Variants in SLC25A30 observed in about 807,000 individuals in gnomAD.
The protein encoded by SLC25A30 is kidney mitochondrial carrier protein 1.
A neutral mutation model predicts 42.7 loss-of-function variants in SLC25A30; 29 were observed. That is an observed-to-expected ratio of 0.68 (90% CI 0.51 to 0.93). The LOEUF is 0.93. SLC25A30 is among the 40% of genes least tolerant of loss of function. SLC25A30 has a pLI of 0.00. For synonymous variants in SLC25A30, 124 were observed against 131.0 expected (o/e 0.95, Z 0.37); for missense variants, 300 against 359.7 (o/e 0.83, Z 1.34).
chr13:45,423,164 T>C (rs142627895), upstream of SLC25A30, among the ~76,000 whole-genome samples: 1,457 of 152,162 alleles, frequency 9.6e-3, 14 homozygotes, highest in Non-Finnish European at 0.015. Flanking sequence ...GGAGAGTCTC[T>C]ATAATTTGAG....
At position 45,411,472 on chromosome 13, in the gene SLC25A30, C is replaced by A; in HGVS notation, c.-47G>T. The A allele has an allele frequency of 6.3e-7, 1 of 1,587,642 alleles. No homozygotes were observed. The highest frequency in any genetic ancestry group is 8.6e-7 in the Non-Finnish European group (1 of 1,156,894). ...ATTTATAGAAACATTGCCTCCAGTG[C>A]TGTTTTTCCTGGACACAACAATAAG... On this transcript the variant is annotated 5_prime_UTR_variant, in exon 2 of 10. Coordinates refer to ENST00000519676, the MANE Select transcript of SLC25A30 (RefSeq NM_001010875.4).
chr13:45,428,136 T>C, the SLC25A30 span, among the ~76,000 whole-genome samples: 2 of 152,178 alleles, frequency 1.3e-5, no homozygotes, highest in African/African-American at 4.8e-5. Flanking sequence ...TGAGTTTTGC[T>C]ACCTTCATCC....
intron 2 of SLC25A30, among the ~76,000 whole-genome samples, chr13:45,411,002 C>T (rs1382895983): frequency 6.6e-6 from 1 of 152,092 alleles, no homozygotes; most frequent in African/African-American, 2.4e-5. Flanking sequence ...TGCAGTGGTT[C>T]ACACATGGCT....
chr13:45,413,083 A>G (rs1883169564), intron 1 of SLC25A30, among the ~76,000 whole-genome samples: 1 of 152,190 alleles, frequency 6.6e-6, no homozygotes, highest in African/African-American at 2.4e-5. Context: ...CCCATCGGGC[A>G]CCTTGAATAA....
chr13:45,425,081 A>AATATATGTATATATAC, the SLC25A30 span, among the ~76,000 whole-genome samples: 22 of 30,450 alleles, frequency 7.2e-4, 3 homozygotes, highest in Non-Finnish European at 1.1e-3. Context: ...CATATATATA[A>AATATATGTATATATAC]ATATATAAAT....
chr13:45,425,981 C>CCAAGCCCAGCCTTCTTTTTAACTT, the SLC25A30 span, among the ~76,000 whole-genome samples: 1 of 147,638 alleles, frequency 6.8e-6, no homozygotes, highest in Non-Finnish European at 1.5e-5. Context: ...GCATGAGCCA[C>CCAAGCCCAGCCTTCTTTTTAACTT]TTCGCCTGGT....
chr13:45,411,687 C>T (rs1265724308), intron 1 of SLC25A30: 7 of 473,514 alleles, frequency 1.5e-5, no homozygotes. Flanking sequence ...TATCAGTGAT[C>T]TTAATTTTTA....
At chr13:45,403,832 A>G (rs1354354877) in intron 5 of SLC25A30, among the ~76,000 whole-genome samples, 1 of 151,472 alleles carries the variant, frequency 6.6e-6, no homozygotes, top group Non-Finnish European at 1.5e-5. Context: ...GCTACTCAGG[A>G]GGCTAAGGCA....
chr13:45,412,579 A>G (rs2137686797), intron 1 of SLC25A30, among the ~76,000 whole-genome samples: 1 of 152,306 alleles, frequency 6.6e-6, no homozygotes, highest in South Asian at 2.1e-4. Flanking sequence ...CGCCAACACC[A>G]TCATCACCAC....
In SLC25A30 at chr13:45,399,004, T is replaced by C; in HGVS notation, c.689A>G (p.Asn230Ser). The change falls in exon 8 of 10, where the codon AAT becomes AGT. Residue 230 changes from asparagine (N) to serine (S), a missense_variant. Transcript: ENST00000519676. ...PVDVVRTRMMNQRVLRDGRCS... is the reference protein window; with the variant it reads ...PVDVVRTRMMSQRVLRDGRCS... ...TCTGCCATCTCGAAGCACTCTCTGA[T>C]TCATCATACGTGTCCTCACAACATC... 6 of 1,614,162 alleles carry C rather than the reference T, an allele frequency of 3.7e-6. No homozygotes were observed. The highest frequency in any genetic ancestry group is 4.2e-6 in the Non-Finnish European group (5 of 1,180,030).
Position 45,404,068 on chromosome 13 carries a change from G to A in SLC25A30, c.393+259C>T, listed in dbSNP as rs185774145. Among the ~76,000 whole-genome samples, 369 of 152,110 alleles carry A rather than the reference G, an allele frequency of 2.4e-3. 3 individuals carry two copies. The highest frequency in any genetic ancestry group is 8.3e-3 in the African/African-American group (343 of 41,496). ...AACATTTTCCGTGAAAAACGAAAAT[G>A]AAATGCAGTCCAAGCCTAAATAATT... is the stretch of plus-strand genomic sequence containing the variant. On this transcript the variant is annotated intron_variant, in intron 5 of 9. Coordinates refer to ENST00000519676, the MANE Select transcript of SLC25A30 (RefSeq NM_001010875.4).
At chr13:45,414,275 T>C (rs1339697062) in intron 1 of SLC25A30, among the ~76,000 whole-genome samples, 1 of 152,114 alleles carries the variant, frequency 6.6e-6, no homozygotes, top group African/African-American at 2.4e-5. Context: ...AAAGAATAAT[T>C]TGGCTTAAAT....
the SLC25A30 span, among the ~76,000 whole-genome samples, chr13:45,433,405 T>C: frequency 2.0e-5 from 3 of 152,184 alleles, no homozygotes; most frequent in African/African-American, 7.2e-5. Flanking sequence ...TGCCCCAGCC[T>C]GTCACTGCAG....
chr13:45,417,849 C>T (rs1883667648), intron 1 of SLC25A30, among the ~76,000 whole-genome samples: 1 of 152,234 alleles, frequency 6.6e-6, no homozygotes, highest in Non-Finnish European at 1.5e-5. Flanking sequence ...ACGAGCGATT[C>T]CGAATGTGGT....
chr13:45,411,141 T>C (rs1202089865), intron 2 of SLC25A30, among the ~76,000 whole-genome samples: 2 of 151,996 alleles, frequency 1.3e-5, no homozygotes, highest in Non-Finnish European at 2.9e-5. Context: ...GGTTTCACTC[T>C]GTTGCCCAGG....
Position 45,404,358 on chromosome 13 carries a change from G to A in SLC25A30, c.362C>T (p.Ser121Leu). Residue 121 changes from serine (S) to leucine (L), a missense_variant, in exon 5 of 10, where the codon TCA (serine) becomes TTA (leucine). Physicochemically the swap from Ser to Leu is moderately radical, Grantham distance 145. Transcript: ENST00000519676. ...ICGILSGVIS[S>L]TIANPTDVLK... ...AACATCAGTTGGATTAGCAATGGTT[G>A]AAGATATGACTCCAGACAGAATTCC... is the stretch of plus-strand genomic sequence containing the variant. 6.2e-7 allele frequency: 1 copy of A among 1,613,488 alleles called. No homozygotes were observed. The highest frequency in any genetic ancestry group is 8.5e-7 in the Non-Finnish European group (1 of 1,179,486).
the SLC25A30 span, among the ~76,000 whole-genome samples, chr13:45,424,518 T>C: frequency 2.8e-5 from 2 of 71,346 alleles, 1 homozygote; most frequent in Non-Finnish European, 5.1e-5. Flanking sequence ...TATATATAAA[T>C]ATATAAAAAT....
At position 45,399,032 on chromosome 13, in the gene SLC25A30, C is replaced by T; in HGVS notation, c.661G>A (p.Val221Ile). The T allele has an allele frequency of 6.2e-7, 1 of 1,613,786 alleles. No homozygotes were observed. The highest frequency in any genetic ancestry group is 8.5e-7 in the Non-Finnish European group (1 of 1,179,930). The change falls in exon 8 of 10, where the codon GTT (valine) becomes ATT (isoleucine). Residue 221 changes from valine (V) to isoleucine (I), a missense_variant. Val to Ile is a conservative substitution (Grantham distance 29). Coordinates refer to ENST00000519676, the MANE Select transcript of SLC25A30 (RefSeq NM_001010875.4). ...GLAGALASNPVDVVRTRMMNQ... is the reference protein window; with the variant it reads ...GLAGALASNPIDVVRTRMMNQ... ...ATCATACGTGTCCTCACAACATCAA[C>T]AGGGTTTGAGGCCAGGGCCCCTGCC... is the stretch of plus-strand genomic sequence containing the variant.
At chr13:45,433,361 A>G in the SLC25A30 span, among the ~76,000 whole-genome samples, 5 of 152,306 alleles carry the variant, frequency 3.3e-5, no homozygotes, top group East Asian at 3.9e-4. Flanking sequence ...AGAGTGTTCT[A>G]AAGTGTGGCT....
Sources: gnomAD v4.1 joint callset for allele counts (sites outside exome capture counted in the v4.1 genomes callset) on GRCh38, gnomAD v4.1.1 for gene constraint, MANE v1.5 for transcripts, NCBI Gene and HGNC (gene_info 2026-07-23, HGNC 2026-07-21) for gene names.